Variants in NCKAP5 observed in about 807,000 individuals in gnomAD.
NCKAP5 encodes the protein nck-associated protein 5.
NCKAP5 carries 92 observed loss-of-function variants against 167.0 expected under a neutral mutation model. The ratio of observed to expected loss-of-function variants is 0.55; its 90% confidence interval spans 0.47 to 0.66. NCKAP5 has a LOEUF of 0.66. Ranked by LOEUF, NCKAP5 falls within the 30% of genes least tolerant of loss-of-function variation. The pLI, the probability that NCKAP5 is intolerant of heterozygous loss-of-function variation, is 0.00. For missense variants in NCKAP5, 2,378 were observed against 2,315.0 expected, an observed-to-expected ratio of 1.03 and a Z score of -0.56; for synonymous variants, 891 against 877.4, an observed-to-expected ratio of 1.02 and a Z score of -0.27.
intron 16 of NCKAP5, among the ~76,000 whole-genome samples, chr2:132,764,781 A>G (rs755243311): frequency 3.0e-4 from 45 of 152,256 alleles, no homozygotes; most frequent in Non-Finnish European, 4.1e-4. Flanking sequence ...GTGTTAGCAC[A>G]CTATTCAAAA....
intron 6 of NCKAP5, among the ~76,000 whole-genome samples, chr2:133,104,212 C>T (rs2081609879): frequency 6.6e-6 from 1 of 152,106 alleles, no homozygotes; most frequent in African/African-American, 2.4e-5. Context: ...AGCAGCACCC[C>T]AAGTTGGACA....
At chr2:133,540,933 CA>C (rs10666328) in intron 2 of NCKAP5, among the ~76,000 whole-genome samples, 67 of 100,048 alleles carry the variant, frequency 6.7e-4, no homozygotes, top group Middle Eastern at 6.3e-3. Context: ...GACTCTGTCT[CA>C]AAAAAAAAAA....
intron 6 of NCKAP5, among the ~76,000 whole-genome samples, chr2:133,004,811 C>T (rs561687684): frequency 3.8e-4 from 58 of 152,242 alleles, no homozygotes; most frequent in Admixed American, 3.3e-3. Flanking sequence ...CATATTTCAC[C>T]CCTTATCTTC....
intron 3 of NCKAP5, among the ~76,000 whole-genome samples, chr2:133,329,742 G>A (rs914254950): frequency 2.0e-5 from 3 of 152,094 alleles, no homozygotes; most frequent in Non-Finnish European, 4.4e-5. Context: ...TGTAACTCCT[G>A]AATTCTCCAG....
intron 6 of NCKAP5, among the ~76,000 whole-genome samples, chr2:133,081,149 T>C (rs1406851143): frequency 6.6e-6 from 1 of 152,132 alleles, no homozygotes; most frequent in East Asian, 1.9e-4. Context: ...ATTTTCCATG[T>C]AAAGAAGCCC....
the NCKAP5 span, among the ~76,000 whole-genome samples, chr2:133,604,451 T>G: frequency 6.6e-6 from 1 of 151,758 alleles, no homozygotes. Context: ...GGTGATCCAC[T>G]TGCCTCGGCC....
At chr2:132,909,476 G>T (rs1180696344) in intron 8 of NCKAP5, among the ~76,000 whole-genome samples, 1 of 151,992 alleles carries the variant, frequency 6.6e-6, no homozygotes, top group Non-Finnish European at 1.5e-5. Context: ...TTATGCTAGG[G>T]TATTCAAATT....
At position 133,247,888 on chromosome 2, in the gene NCKAP5, T is replaced by C. The variant is rs189379753; in HGVS notation, c.144-34109A>G. Among the ~76,000 whole-genome samples, 3 of 152,330 alleles carry C rather than the reference T, an allele frequency of 2.0e-5. No homozygotes were observed. The East Asian group carries it at 5.8e-4, about 29-fold the overall frequency. On this transcript the variant is annotated intron_variant, in intron 4 of 19. Coordinates refer to ENST00000409261, the MANE Select transcript of NCKAP5 (RefSeq NM_207363.3). ...GTTCCAGAGTTACCCTAAAGTATTT[T>C]CATATGTGACTATACTAGGAAAAGG...
In NCKAP5 at chr2:132,672,806, G is replaced by T; in HGVS notation, c.*483C>A. ...ATTAAGGATTCTGTATCATAGATGT[G>T]TTTACGCTTAATCCTCTTGAAACAC... On this transcript the variant is annotated 3_prime_UTR_variant, in exon 20 of 20. Coordinates refer to ENST00000409261, the MANE Select transcript of NCKAP5 (RefSeq NM_207363.3). 1.4e-5 allele frequency: 4 copies of T among 279,890 alleles called. No individual in the cohort carries two copies. The highest frequency in any genetic ancestry group is 1.8e-4 in the East Asian group (1 of 5,690). 17.3% of individuals were successfully genotyped at this position (279,890 alleles called of 1,614,324 possible).
chr2:132,973,325 C>G (rs2076888165), intron 7 of NCKAP5, among the ~76,000 whole-genome samples: 1 of 152,220 alleles, frequency 6.6e-6, no homozygotes, highest in Non-Finnish European at 1.5e-5. Context: ...ATCTAAAAGT[C>G]TATTCTTCTC....
intron 4 of NCKAP5, among the ~76,000 whole-genome samples, chr2:133,267,064 G>A (rs1029421044): frequency 6.6e-6 from 1 of 151,920 alleles, no homozygotes; most frequent in Non-Finnish European, 1.5e-5. Context: ...ACAAATCTCC[G>A]CCTGGAGCTG....
At chr2:133,161,066 G>C (rs564284215) in intron 5 of NCKAP5, among the ~76,000 whole-genome samples, 2 of 152,050 alleles carry the variant, frequency 1.3e-5, no homozygotes, top group Admixed American at 1.3e-4. Flanking sequence ...GTCAGCGGCC[G>C]CATTAGATTA....
At chr2:133,014,266 T>C (rs1032270148) in intron 6 of NCKAP5, among the ~76,000 whole-genome samples, 34 of 152,226 alleles carry the variant, frequency 2.2e-4, no homozygotes, top group African/African-American at 8.0e-4. Flanking sequence ...CAGATAGCCA[T>C]GGATACTTGG....
intron 3 of NCKAP5, among the ~76,000 whole-genome samples, chr2:133,329,956 G>A (rs575464161): frequency 3.8e-4 from 57 of 151,868 alleles, no homozygotes; most frequent in Admixed American, 1.0e-3. Flanking sequence ...ACCTTTTACC[G>A]GAGGGGCCAG....
At chr2:133,436,214 G>A (rs1219984209) in intron 3 of NCKAP5, among the ~76,000 whole-genome samples, 2 of 152,274 alleles carry the variant, frequency 1.3e-5, no homozygotes, top group East Asian at 3.9e-4. Context: ...AGGATTCTCA[G>A]TTCTGGCTGC....
At chr2:133,556,357 C>T (rs569258312) in intron 2 of NCKAP5, among the ~76,000 whole-genome samples, 5 of 152,162 alleles carry the variant, frequency 3.3e-5, no homozygotes, top group Admixed American at 2.0e-4. Context: ...AGAATGTTCA[C>T]GATCCTAGCC....
At chr2:133,370,219 G>A (rs940453289) in intron 3 of NCKAP5, among the ~76,000 whole-genome samples, 1 of 152,176 alleles carries the variant, frequency 6.6e-6, no homozygotes, top group Non-Finnish European at 1.5e-5. Flanking sequence ...AAAGAACAAG[G>A]CTCAAGTGAA....
At chr2:133,631,380 C>T in the NCKAP5 span, among the ~76,000 whole-genome samples, 1 of 152,318 alleles carries the variant, frequency 6.6e-6, no homozygotes, top group Middle Eastern at 3.4e-3. Context: ...AAGCAATCTA[C>T]ATGTGGAAGG....
At chr2:133,145,160 G>A (rs1162695011) in intron 5 of NCKAP5, among the ~76,000 whole-genome samples, 1 of 151,726 alleles carries the variant, frequency 6.6e-6, no homozygotes, top group Non-Finnish European at 1.5e-5. Context: ...AAAACAAGTT[G>A]GAATATACAG....
Sources: gnomAD v4.1 joint callset for allele counts (sites outside exome capture counted in the v4.1 genomes callset) on GRCh38, gnomAD v4.1.1 for gene constraint, MANE v1.5 for transcripts, NCBI Gene and HGNC (gene_info 2026-07-23, HGNC 2026-07-21) for gene names.